ST3GAL3: variants seen among roughly 807,000 people sequenced by gnomAD.
ST3GAL3 encodes the protein CMP-N-acetylneuraminate-beta-1,4-galactoside alpha-2,3-sialyltransferase.
In ST3GAL3, 21 loss-of-function variants were observed where a neutral mutation model predicts 50.1. That is an observed-to-expected ratio of 0.42 (90% CI 0.30 to 0.60). The LOEUF (loss-of-function observed/expected upper bound fraction) is 0.60. Among genes scored for constraint, ST3GAL3 ranks in the 20% least tolerant of loss-of-function variants. The pLI is 0.19. For missense variants in ST3GAL3, 353 were observed against 489.4 expected, an observed-to-expected ratio of 0.72 and a Z score of 2.63; for synonymous variants, 183 against 190.0, an observed-to-expected ratio of 0.96 and a Z score of 0.30.
At chr1:43,753,214 G>GTGGGCATGA (rs1334499549) in intron 2 of ST3GAL3, among the ~76,000 whole-genome samples, 4 of 152,196 alleles carry the variant, frequency 2.6e-5, no homozygotes, top group Non-Finnish European at 5.9e-5. Flanking sequence ...CTGTACACGC[G>GTGGGCATGA]TGGGCATGAG....
chr1:43,712,082 A>G (rs1438871298), intron 1 of ST3GAL3, among the ~76,000 whole-genome samples: 1 of 152,174 alleles, frequency 6.6e-6, no homozygotes, highest in African/African-American at 2.4e-5. Context: ...TAGTTGTCTG[A>G]CATTAAGCAG....
chr1:43,794,438 GAAACTCTGA>G (rs2058458917), intron 3 of ST3GAL3, among the ~76,000 whole-genome samples: 1 of 129,010 alleles, frequency 7.8e-6, no homozygotes, highest in Non-Finnish European at 1.8e-5. Context: ...TGGTGCAGTG[GAAACTCTGA>G]TTTTCTACTT....
At chr1:43,736,593 A>C in intron 2 of ST3GAL3, 1 of 790,386 alleles carries the variant, frequency 1.3e-6, no homozygotes, top group Non-Finnish European at 2.1e-6. Flanking sequence ...GACAAATCTC[A>C]GTTCCTTTTA....
chr1:43,871,689 A>C (rs1469592178), intron 5 of ST3GAL3, among the ~76,000 whole-genome samples: 2 of 46,896 alleles, frequency 4.3e-5, no homozygotes, highest in Non-Finnish European at 3.9e-5. Context: ...GAGGGAGAGG[A>C]TGGGGTGTGA....
At chr1:43,809,063 G>A (rs937194968) in intron 3 of ST3GAL3, among the ~76,000 whole-genome samples, 6 of 152,024 alleles carry the variant, frequency 3.9e-5, no homozygotes, top group African/African-American at 1.5e-4. Context: ...CCCCAACAAG[G>A]TAAAATTCAC....
chr1:43,720,814 A>G (rs778063933), intron 1 of ST3GAL3, among the ~76,000 whole-genome samples: 1 of 152,234 alleles, frequency 6.6e-6, no homozygotes, highest in Non-Finnish European at 1.5e-5. Flanking sequence ...TGTCCATACA[A>G]AAATGTATAC....
intron 3 of ST3GAL3, chr1:43,801,546 G>T (rs569357901): frequency 2.8e-6 from 1 of 356,778 alleles, no homozygotes; most frequent in Non-Finnish European, 5.6e-6. Flanking sequence ...CAGAATGTAG[G>T]TAGGAAGTAA....
chr1:43,801,544 AG>A (rs1478069400), intron 3 of ST3GAL3: 13 of 357,640 alleles, frequency 3.6e-5, no homozygotes, highest in Non-Finnish European at 6.1e-5. Flanking sequence ...GTCAGAATGT[AG>A]GTAGGAAGTA....
intron 5 of ST3GAL3, chr1:43,851,685 A>G: frequency 7.5e-7 from 1 of 1,328,356 alleles, no homozygotes; most frequent in African/African-American, 1.5e-5. Context: ...TTGTCATGTG[A>G]GGACCACAGG....
chr1:43,885,145 G>A (rs2075762162), intron 5 of ST3GAL3, among the ~76,000 whole-genome samples: 1 of 152,148 alleles, frequency 6.6e-6, no homozygotes, highest in Admixed American at 6.5e-5. Flanking sequence ...GCCCTTCCTG[G>A]CTGGTTAGCC....
At chr1:43,908,795 C>A (rs2080270575) in intron 9 of ST3GAL3, among the ~76,000 whole-genome samples, 1 of 152,154 alleles carries the variant, frequency 6.6e-6, no homozygotes. Context: ...CCACGCCTGG[C>A]TAATTTTTAT....
intron 5 of ST3GAL3, chr1:43,841,013 A>C (rs1368414846): frequency 1.3e-5 from 2 of 152,262 alleles, no homozygotes; most frequent in African/African-American, 4.8e-5. Flanking sequence ...TTAAATCTTA[A>C]AGCTCCAAAA....
chr1:43,818,552 C>A (rs551575745), intron 4 of ST3GAL3, among the ~76,000 whole-genome samples: 2 of 152,082 alleles, frequency 1.3e-5, no homozygotes, highest in Admixed American at 1.3e-4. Context: ...ACTAAACACA[C>A]AAGGAAACAA....
At chr1:43,761,365 A>C (rs1690266285) in intron 2 of ST3GAL3, among the ~76,000 whole-genome samples, 1 of 152,094 alleles carries the variant, frequency 6.6e-6, no homozygotes, top group African/African-American at 2.4e-5. Flanking sequence ...CATTTGATGA[A>C]ATTAAGAAAT....
chr1:43,923,756 G>GGT (rs1277936590), intron 11 of ST3GAL3, among the ~76,000 whole-genome samples: 1 of 152,066 alleles, frequency 6.6e-6, no homozygotes, highest in African/African-American at 2.4e-5. Context: ...GCAGACTGCA[G>GGT]GTGTGTGCCA....
chr1:43,747,162 C>A (rs138648472), intron 2 of ST3GAL3, among the ~76,000 whole-genome samples: 2 of 152,108 alleles, frequency 1.3e-5, no homozygotes, highest in Non-Finnish European at 2.9e-5. Flanking sequence ...ATAATCCCAC[C>A]ACTTTGAGAG....
intron 3 of ST3GAL3, among the ~76,000 whole-genome samples, chr1:43,802,534 C>A (rs1198762325): frequency 2.0e-5 from 3 of 152,236 alleles, no homozygotes; most frequent in Non-Finnish European, 4.4e-5. Flanking sequence ...ATTCAATGCA[C>A]ATAAGCAGCG....
At chr1:43,915,901 C>T (rs1313693213) in intron 9 of ST3GAL3, among the ~76,000 whole-genome samples, 1 of 152,128 alleles carries the variant, frequency 6.6e-6, no homozygotes, top group Non-Finnish European at 1.5e-5. Flanking sequence ...GGCGGGTCTT[C>T]TGAGGTCAGG....
intron 2 of ST3GAL3, among the ~76,000 whole-genome samples, chr1:43,758,828 A>G (rs1472973331): frequency 6.6e-6 from 1 of 151,374 alleles, no homozygotes; most frequent in Non-Finnish European, 1.5e-5. Context: ...GGAGTTCGAG[A>G]CCAGCCTGGG....
Sources: gnomAD v4.1 joint callset for allele counts (sites outside exome capture counted in the v4.1 genomes callset) on GRCh38, gnomAD v4.1.1 for gene constraint, MANE v1.5 for transcripts, NCBI Gene and HGNC (gene_info 2026-07-23, HGNC 2026-07-21) for gene names.